The following IKZF3 variants were observed in gnomAD, a reference collection of about 807,000 sequenced individuals.
The protein encoded by IKZF3 is IKAROS family zinc finger 3, also known as zinc finger protein Aiolos.
A neutral mutation model predicts 49.0 loss-of-function variants in IKZF3; 10 were observed. The ratio of observed to expected loss-of-function variants is 0.20; its 90% CI spans 0.13 to 0.35. IKZF3 has a LOEUF of 0.35. Among genes scored for constraint, IKZF3 ranks in the 10% least tolerant of loss-of-function variants. The pLI is 1.00. For missense variants in IKZF3, 498 were observed against 664.8 expected (o/e 0.75, Z 2.76); for synonymous variants, 209 against 228.2 (o/e 0.92, Z 0.76).
At chr17:39,824,115 A>G (rs757250777) in intron 3 of IKZF3, among the ~76,000 whole-genome samples, 1 of 152,242 alleles carries the variant, frequency 6.6e-6, no homozygotes, top group Non-Finnish European at 1.5e-5. Flanking sequence ...ACAGGGGCGG[A>G]GCTGCCCAAA....
chr17:39,808,550 G>T (rs79692925), intron 3 of IKZF3, among the ~76,000 whole-genome samples: 2,209 of 152,142 alleles, frequency 0.015, 53 homozygotes, highest in African/African-American at 0.05. Flanking sequence ...TTTCTGTTCT[G>T]TTAATAATTT....
intron 6 of IKZF3, among the ~76,000 whole-genome samples, chr17:39,779,674 C>T (rs552675214): frequency 5.9e-4 from 81 of 136,842 alleles, no homozygotes; most frequent in African/African-American, 2.1e-3. Context: ...TTCTGTTCCA[C>T]GGCCTTTTAA....
At chr17:39,862,874 T>C (rs571297984) in intron 1 of IKZF3, among the ~76,000 whole-genome samples, 1 of 152,290 alleles carries the variant, frequency 6.6e-6, no homozygotes, top group South Asian at 2.1e-4. Context: ...ATTAAATAAA[T>C]GAATTTGGAA....
chr17:39,844,672 G>C (rs2062576862), intron 1 of IKZF3, among the ~76,000 whole-genome samples: 1 of 151,862 alleles, frequency 6.6e-6, no homozygotes, highest in African/African-American at 2.4e-5. Flanking sequence ...GCCCAGGCTG[G>C]AGTGCAATGG....
chr17:39,829,672 G>C (rs1216838751), intron 2 of IKZF3, among the ~76,000 whole-genome samples, 184 bp from the exon 3 acceptor site: 2 of 152,094 alleles, frequency 1.3e-5, no homozygotes, highest in African/African-American at 4.8e-5. Flanking sequence ...AATAAGCCCA[G>C]GGTTCGCAGT....
At chr17:39,775,092 G>T (rs1339536636) in intron 7 of IKZF3, among the ~76,000 whole-genome samples, 2 of 152,004 alleles carry the variant, frequency 1.3e-5, no homozygotes, top group African/African-American at 4.8e-5. Context: ...GCCCAGAAAG[G>T]TTCTGTGATT....
chr17:39,788,452 T>A (rs2060926587), intron 5 of IKZF3, 78 bp from the exon 6 acceptor site: 1 of 826,584 alleles, frequency 1.2e-6, no homozygotes, highest in Non-Finnish European at 2.1e-6. Flanking sequence ...CTGTGACAAC[T>A]GTTCACTAGA....
chr17:39,810,321 A>T (rs2061521374), intron 3 of IKZF3, among the ~76,000 whole-genome samples: 1 of 152,250 alleles, frequency 6.6e-6, no homozygotes, highest in South Asian at 2.1e-4. Flanking sequence ...ATAATTTTTC[A>T]TCATGAGTTT....
At chr17:39,802,366 G>A (rs577013968) in intron 3 of IKZF3, among the ~76,000 whole-genome samples, 5 of 151,962 alleles carry the variant, frequency 3.3e-5, no homozygotes, top group African/African-American at 1.2e-4. Context: ...CAGCACTTCA[G>A]GAGGCAGAGG....
intron 7 of IKZF3, among the ~76,000 whole-genome samples, chr17:39,772,264 T>G (rs752932228): frequency 6.6e-6 from 1 of 152,116 alleles, no homozygotes; most frequent in African/African-American, 2.4e-5. Context: ...CATTGAAAGG[T>G]TTTTTTGAAG....
intron 7 of IKZF3, among the ~76,000 whole-genome samples, chr17:39,769,320 A>AACCAGCT (rs1469692627): frequency 6.6e-6 from 1 of 152,184 alleles, no homozygotes; most frequent in African/African-American, 2.4e-5. Context: ...GAGCCAGAAG[A>AACCAGCT]ACCAGCTAAA....
chr17:39,861,847 G>C (rs530312968), intron 1 of IKZF3, among the ~76,000 whole-genome samples: 24 of 152,296 alleles, frequency 1.6e-4, no homozygotes, highest in African/African-American at 5.8e-4. Context: ...ACTCAGAGTT[G>C]CCGAGATAAA....
chr17:39,855,093 T>C (rs887518337), intron 1 of IKZF3, among the ~76,000 whole-genome samples: 1 of 152,158 alleles, frequency 6.6e-6, no homozygotes. Flanking sequence ...GAATCCAGGG[T>C]TGCAGAGGGC....
At chr17:39,768,658 T>A (rs1298968750) in intron 7 of IKZF3, among the ~76,000 whole-genome samples, 1 of 152,218 alleles carries the variant, frequency 6.6e-6, no homozygotes, top group East Asian at 1.9e-4. Flanking sequence ...CCTCACAGGG[T>A]CACTGGAAAG....
At chr17:39,797,196 T>C (rs2061188609) in intron 3 of IKZF3, among the ~76,000 whole-genome samples, 1 of 151,696 alleles carries the variant, frequency 6.6e-6, no homozygotes, top group African/African-American at 2.4e-5. Flanking sequence ...AGGTAAGCTA[T>C]GCTTACTGCC....
At chr17:39,836,976 G>C (rs895781622) in intron 1 of IKZF3, among the ~76,000 whole-genome samples, 2 of 151,894 alleles carry the variant, frequency 1.3e-5, no homozygotes, top group Admixed American at 6.6e-5. Flanking sequence ...TGTGTTGCCA[G>C]GCTGGAGTGC....
At chr17:39,826,835 G>C (rs763657243) in intron 3 of IKZF3, among the ~76,000 whole-genome samples, 4 of 152,160 alleles carry the variant, frequency 2.6e-5, no homozygotes, top group African/African-American at 7.2e-5. Flanking sequence ...TGGACCTCCT[G>C]AGGCACAAAA....
chr17:39,844,666 A>G (rs929281757), intron 1 of IKZF3, among the ~76,000 whole-genome samples: 1 of 151,740 alleles, frequency 6.6e-6, no homozygotes, highest in Non-Finnish European at 1.5e-5. Flanking sequence ...CTTGTTGCCC[A>G]GGCTGGAGTG....
chr17:39,814,734 G>C (rs1033860884), intron 3 of IKZF3, among the ~76,000 whole-genome samples: 7 of 152,198 alleles, frequency 4.6e-5, no homozygotes, highest in Admixed American at 4.6e-4. Context: ...AAGCCAGAAA[G>C]AGGCAAAAAA....
Sources: gnomAD v4.1 joint callset for allele counts (sites outside exome capture counted in the v4.1 genomes callset) on GRCh38, gnomAD v4.1.1 for gene constraint, MANE v1.5 for transcripts, NCBI Gene and HGNC (gene_info 2026-07-23, HGNC 2026-07-21) for gene names.